NCALD: variants seen among roughly 807,000 people sequenced by gnomAD.
NCALD encodes the protein neurocalcin-delta.
In NCALD, 10 loss-of-function variants were observed where a neutral mutation model predicts 18.6. The observed-to-expected ratio is 0.54, with a 90% confidence interval of 0.33 to 0.91. The LOEUF (loss-of-function observed/expected upper bound fraction) is 0.91, where lower values mean the gene tolerates loss of function less well. Among genes scored for constraint, NCALD ranks in the 40% least tolerant of loss-of-function variants. The pLI is 0.03. For synonymous variants in NCALD, 88 were observed against 87.4 expected (o/e 1.01, Z -0.04); for missense variants, 184 against 247.6 (o/e 0.74, Z 1.72).
At chr8:101,710,171 G>A (rs1282268790) in intron 2 of NCALD, among the ~76,000 whole-genome samples, 2 of 152,172 alleles carry the variant, frequency 1.3e-5, no homozygotes, top group South Asian at 2.1e-4. Flanking sequence ...AAGTGCAAGG[G>A]GTTGGGGAAC....
intron 4 of NCALD, among the ~76,000 whole-genome samples, chr8:101,885,518 T>C (rs537109369): frequency 3.2e-4 from 49 of 152,240 alleles, no homozygotes; most frequent in African/African-American, 1.1e-3. Flanking sequence ...AAGCAGGGAG[T>C]GGCTTCTTCA....
At chr8:101,815,145 G>C (rs1813444753) in intron 4 of NCALD, among the ~76,000 whole-genome samples, 1 of 152,072 alleles carries the variant, frequency 6.6e-6, no homozygotes, top group African/African-American at 2.4e-5. Flanking sequence ...AGAGGCAAAA[G>C]ACCCAGAATA....
intron 2 of NCALD, among the ~76,000 whole-genome samples, chr8:101,954,832 T>A (rs1006476067): frequency 3.3e-5 from 5 of 152,228 alleles, no homozygotes; most frequent in Non-Finnish European, 7.3e-5. Context: ...CCATGCATGA[T>A]TCTAGAATCA....
chr8:101,830,681 G>A (rs997751328), intron 4 of NCALD, among the ~76,000 whole-genome samples: 1 of 152,110 alleles, frequency 6.6e-6, no homozygotes, highest in African/African-American at 2.4e-5. Context: ...CTGCCTTTGG[G>A]GTTTGCTGTG....
intron 2 of NCALD, among the ~76,000 whole-genome samples, chr8:101,966,158 T>C (rs985871427): frequency 6.6e-6 from 1 of 151,092 alleles, no homozygotes; most frequent in Admixed American, 6.6e-5. Flanking sequence ...TAAAATAAAA[T>C]AGTTTAACTC....
chr8:101,892,678 GA>G (rs1816957945), intron 3 of NCALD, among the ~76,000 whole-genome samples: 1 of 150,560 alleles, frequency 6.6e-6, no homozygotes, highest in Non-Finnish European at 1.5e-5. Flanking sequence ...AGGAGCTGAT[GA>G]AGCTGAAAAC....
At chr8:102,002,238 TA>T (rs1196614215) in intron 2 of NCALD, among the ~76,000 whole-genome samples, 1 of 152,128 alleles carries the variant, frequency 6.6e-6, no homozygotes, top group Non-Finnish European at 1.5e-5. Context: ...TAGTCTCTAA[TA>T]AAACAGAATT....
chr8:101,954,671 C>T (rs1412906183), intron 2 of NCALD, among the ~76,000 whole-genome samples: 1 of 152,206 alleles, frequency 6.6e-6, no homozygotes, highest in African/African-American at 2.4e-5. Context: ...TCTCTTTCCA[C>T]AGCACTCCAG....
Position 101,947,734 on chromosome 8 carries a change from A to AT in NCALD, c.-156-31877_-156-31876insA, listed in dbSNP as rs200118963. On this transcript the variant is annotated intron_variant, in intron 2 of 6. Coordinates refer to the NCALD transcript ENST00000311028. ...TTTCTGAAGCCCTCTTGTATAAGGC[A>AT]CTTAACAAAGGCTAGAAAAATCAAG... 8.7e-3 allele frequency among the ~76,000 whole-genome samples: 1,332 copies of AT among 152,280 alleles called. 16 individuals are homozygous for AT. The highest frequency in any genetic ancestry group is 0.03 in the African/African-American group (1,256 of 41,540).
intron 4 of NCALD, among the ~76,000 whole-genome samples, chr8:101,881,435 T>C (rs1240509095): frequency 2.6e-5 from 4 of 152,202 alleles, no homozygotes; most frequent in Non-Finnish European, 2.9e-5. Flanking sequence ...ACTATTATAA[T>C]AAATTACACT....
chr8:102,021,997 T>A (rs140150021), intron 1 of NCALD, among the ~76,000 whole-genome samples: 10 of 152,268 alleles, frequency 6.6e-5, no homozygotes, highest in Non-Finnish European at 1.0e-4. Context: ...AATTAGATGA[T>A]GTATTTGTAC....
chr8:101,849,185 C>A (rs1486267119), intron 4 of NCALD, among the ~76,000 whole-genome samples: 1 of 151,924 alleles, frequency 6.6e-6, no homozygotes, highest in Non-Finnish European at 1.5e-5. Context: ...GTGGGGGGAC[C>A]AACACACACT....
At chr8:102,073,871 A>C (rs575428766) in intron 1 of NCALD, among the ~76,000 whole-genome samples, 1 of 152,338 alleles carries the variant, frequency 6.6e-6, no homozygotes, top group South Asian at 2.1e-4. Flanking sequence ...TCTTTTCACC[A>C]CAGGTTCTCC....
At chr8:101,866,210 C>A (rs998038717) in intron 4 of NCALD, among the ~76,000 whole-genome samples, 1 of 152,232 alleles carries the variant, frequency 6.6e-6, no homozygotes, top group Admixed American at 6.5e-5. Flanking sequence ...CTGTTCAGTA[C>A]CTTCACAAAA....
At chr8:101,778,871 C>T (rs779705607) in intron 1 of NCALD, among the ~76,000 whole-genome samples, 10 of 151,962 alleles carry the variant, frequency 6.6e-5, no homozygotes, top group Non-Finnish European at 1.2e-4. Context: ...ATTTAAAAAA[C>T]CTGAAGAGGA....
At chr8:102,025,473 G>C (rs1322616219) in intron 1 of NCALD, among the ~76,000 whole-genome samples, 1 of 152,132 alleles carries the variant, frequency 6.6e-6, no homozygotes, top group Non-Finnish European at 1.5e-5. Flanking sequence ...CCAGACTCTA[G>C]CACAGTGCCT....
chr8:101,953,759 T>C (rs2074427933), intron 2 of NCALD, among the ~76,000 whole-genome samples: 1 of 152,274 alleles, frequency 6.6e-6, no homozygotes. Flanking sequence ...TCATACAGAA[T>C]TGTGACTGCG....
chr8:102,070,875 T>C (rs1824160937), intron 1 of NCALD, among the ~76,000 whole-genome samples: 1 of 152,154 alleles, frequency 6.6e-6, no homozygotes, highest in African/African-American at 2.4e-5. Context: ...TCCTCACCCC[T>C]TAATACGACT....
intron 2 of NCALD, among the ~76,000 whole-genome samples, chr8:101,919,275 G>A (rs974067348): frequency 2.6e-5 from 4 of 152,214 alleles, no homozygotes; most frequent in South Asian, 2.1e-4. Context: ...AAGAAGCATC[G>A]GGGAAAGGAC....
Sources: allele counts gnomAD v4.1 joint callset (sites outside exome capture counted in the v4.1 genomes callset), GRCh38; gene constraint gnomAD v4.1.1; transcripts MANE v1.5; gene names NCBI Gene and HGNC (gene_info 2026-07-23, HGNC 2026-07-21).